Variants in GPD1L observed in about 807,000 individuals in gnomAD.
The protein encoded by GPD1L is glycerol-3-phosphate dehydrogenase 1-like protein.
GPD1L carries 17 observed loss-of-function variants against 32.9 expected under a neutral mutation model. That is an observed-to-expected ratio of 0.52 (90% CI 0.35 to 0.78). GPD1L has a LOEUF of 0.78. Ranked by LOEUF, GPD1L falls within the 30% of genes least tolerant of loss-of-function variation. GPD1L has a pLI of 0.01. For missense variants in GPD1L, 361 were observed against 447.8 expected, an observed-to-expected ratio of 0.81 and a Z score of 1.75; for synonymous variants, 187 against 165.9, an observed-to-expected ratio of 1.13 and a Z score of -0.98.
At chr3:32,149,204 C>T (rs1334178928) in intron 5 of GPD1L, among the ~76,000 whole-genome samples, 2 of 152,100 alleles carry the variant, frequency 1.3e-5, no homozygotes, top group Non-Finnish European at 2.9e-5. Context: ...GGACTACAGG[C>T]ACATGCTGCC....
In GPD1L at chr3:32,106,876, G is replaced by C. The variant is rs1160012672; in HGVS notation, c.47+118G>C. 2.4e-5 allele frequency: 23 copies of C among 968,546 alleles called. No individual in the cohort carries two copies. Among genetic ancestry groups the C allele is most frequent in the Non-Finnish European group, 3.1e-5 (22 of 719,258 alleles). The allele number at this position is 968,546 out of a possible 1,614,324, so 60.0% of individuals were successfully genotyped here. ...CACCGGGCACTGCGCGCAGGGAGGC[G>C]GGGTGGGCGACCTCGTTGCTGGGCT... On this transcript the variant is annotated intron_variant, in intron 1 of 7. Transcript: ENST00000282541. The surrounding 1 kb of genome is among the most constrained non-coding windows in gnomAD (Gnocchi z 4.0).
intron 4 of GPD1L, among the ~76,000 whole-genome samples, chr3:32,140,953 G>T (rs558807157): frequency 1.3e-5 from 2 of 152,070 alleles, no homozygotes; most frequent in Admixed American, 1.3e-4. Flanking sequence ...TCACATTGAC[G>T]TTATGAAAAT....
intron 5 of GPD1L, among the ~76,000 whole-genome samples, chr3:32,156,293 A>G (rs1559582070): frequency 6.6e-6 from 1 of 152,238 alleles, no homozygotes; most frequent in Non-Finnish European, 1.5e-5. Flanking sequence ...GGTTCAGGCA[A>G]GTTGGTACCT....
chr3:32,120,892 T>C (rs1159968035), intron 1 of GPD1L, among the ~76,000 whole-genome samples: 1 of 151,936 alleles, frequency 6.6e-6, no homozygotes, highest in African/African-American at 2.4e-5. Flanking sequence ...GAGAAAGGGG[T>C]GAGAAGGCTG....
intron 4 of GPD1L, among the ~76,000 whole-genome samples, chr3:32,141,709 G>A (rs1482987522): frequency 6.6e-6 from 1 of 152,104 alleles, no homozygotes; most frequent in East Asian, 1.9e-4. Context: ...ATGAGAAGGT[G>A]GAAAAGTAGA....
At chr3:32,123,766 A>G (rs1420101402) in intron 1 of GPD1L, among the ~76,000 whole-genome samples, 1 of 151,750 alleles carries the variant, frequency 6.6e-6, no homozygotes, top group East Asian at 1.9e-4. Context: ...GTAGATAGAC[A>G]GAGAGATAGA....
chr3:32,117,670 T>C (rs6762236), intron 1 of GPD1L, among the ~76,000 whole-genome samples: 59,851 of 152,108 alleles, frequency 0.39, 14,709 homozygotes, highest in Non-Finnish European at 0.56. Context: ...GCAGAATGTA[T>C]TTATCTAAAA....
In GPD1L at chr3:32,106,660, G is replaced by A. The variant is rs903876864; in HGVS notation, c.-52G>A. 4 of 1,474,340 alleles carry A rather than the reference G, an allele frequency of 2.7e-6. No individual in the cohort carries two copies. In the South Asian group the frequency reaches 4.2e-5, roughly 15 times the overall value. 91.3% of individuals were successfully genotyped at this position (1,474,340 alleles called of 1,614,324 possible). A position where few individuals can be genotyped will look rare whatever the true frequency, so the allele number is the denominator to read the frequency against. ...TGCGGGCAAGGCTGAACAGGCGGAG[G>A]TGGGCAGCCGGCCAGGGAAGCACGG... On this transcript the variant is annotated 5_prime_UTR_variant, in exon 1 of 8. In the 5' UTR this introduces an upstream ATG that the reference lacks. Transcript: ENST00000282541. The surrounding 1 kb of genome is among the most constrained non-coding windows in gnomAD (Gnocchi z 4.0).
chr3:32,107,173 G>A (rs969071291), intron 1 of GPD1L, among the ~76,000 whole-genome samples: 6 of 152,178 alleles, frequency 3.9e-5, no homozygotes, highest in African/African-American at 1.4e-4. Context: ...CGGTGTTGAG[G>A]AAACCGAGGC....
intron 2 of GPD1L, among the ~76,000 whole-genome samples, chr3:32,133,858 A>G (rs1218507944): frequency 6.6e-6 from 1 of 152,250 alleles, no homozygotes; most frequent in East Asian, 1.9e-4. Context: ...AAGAACCTTC[A>G]GACTTGTCCA....
chr3:32,136,604 G>A (rs947603584), intron 2 of GPD1L, among the ~76,000 whole-genome samples: 6 of 152,180 alleles, frequency 3.9e-5, no homozygotes, highest in Non-Finnish European at 8.8e-5. Context: ...GGAATCCTTT[G>A]TGTGAGGGAG....
intron 1 of GPD1L, among the ~76,000 whole-genome samples, chr3:32,126,245 C>A (rs1700506334): frequency 6.6e-6 from 1 of 152,168 alleles, no homozygotes; most frequent in African/African-American, 2.4e-5. Context: ...ATTCCCAACT[C>A]ATTGCAGCAG....
intron 1 of GPD1L, 83 bp from the exon 2 acceptor site, chr3:32,127,993 A>G (rs1452153946): frequency 2.1e-6 from 2 of 935,262 alleles, no homozygotes; most frequent in East Asian, 2.6e-5. Flanking sequence ...ATCAAAACAC[A>G]AGTCTTCTGA....
chr3:32,120,201 C>T (rs1700390044), intron 1 of GPD1L, among the ~76,000 whole-genome samples: 1 of 152,014 alleles, frequency 6.6e-6, no homozygotes, highest in South Asian at 2.1e-4. Flanking sequence ...GCCTGTAGTC[C>T]CAGCTACTGG....
At chr3:32,125,614 T>C (rs1463363346) in intron 1 of GPD1L, among the ~76,000 whole-genome samples, 3 of 152,228 alleles carry the variant, frequency 2.0e-5, no homozygotes, top group Non-Finnish European at 4.4e-5. Flanking sequence ...TTCCTTTGTA[T>C]TGAAGTCCAC....
At chr3:32,158,146 G>A (rs900275342) in intron 5 of GPD1L, among the ~76,000 whole-genome samples, 3 of 152,192 alleles carry the variant, frequency 2.0e-5, no homozygotes, top group Non-Finnish European at 4.4e-5. Context: ...GTTGACAGGA[G>A]ATAATTAAAT....
intron 6 of GPD1L, 30 bp downstream of exon 6, chr3:32,159,139 C>G: frequency 6.5e-7 from 1 of 1,532,482 alleles, no homozygotes. Flanking sequence ...CCCGCACCCC[C>G]TCCTTCCTCA....
chr3:32,136,856 G>A (rs1307611417), intron 2 of GPD1L, among the ~76,000 whole-genome samples: 2 of 152,112 alleles, frequency 1.3e-5, no homozygotes, highest in Admixed American at 1.3e-4. Flanking sequence ...ACAGAAAGGG[G>A]GAAGAGAAAG....
At chr3:32,122,745 C>T (rs934918601) in intron 1 of GPD1L, among the ~76,000 whole-genome samples, 2 of 152,154 alleles carry the variant, frequency 1.3e-5, no homozygotes, top group Non-Finnish European at 2.9e-5. Flanking sequence ...TCGTAGGATG[C>T]AAGGTGAACA....
Sources: gnomAD v4.1 joint callset for allele counts (sites outside exome capture counted in the v4.1 genomes callset) on GRCh38, gnomAD v4.1.1 for gene constraint, Gnocchi (gnomAD v3.1) non-coding constraint, MANE v1.5 for transcripts, NCBI Gene and HGNC (gene_info 2026-07-23, HGNC 2026-07-21) for gene names.